Variants in CPLX2 observed in about 807,000 individuals in gnomAD.
The protein encoded by CPLX2 is complexin 2.
In CPLX2, 5 loss-of-function variants were observed where a neutral mutation model predicts 16.3. The observed-to-expected ratio is 0.31, with a 90% CI of 0.16 to 0.64. The LOEUF (loss-of-function observed/expected upper bound fraction) is 0.64. CPLX2 is among the 30% of genes least tolerant of loss of function. The pLI is 0.79. For synonymous variants in CPLX2, 89 were observed against 73.2 expected, an observed-to-expected ratio of 1.22 and a Z score of -1.10; for missense variants, 144 against 181.4, an observed-to-expected ratio of 0.79 and a Z score of 1.18.
chr5:175,826,418 T>C (rs1440006946), intron 2 of CPLX2, among the ~76,000 whole-genome samples: 1 of 151,986 alleles, frequency 6.6e-6, no homozygotes, highest in East Asian at 1.9e-4. Flanking sequence ...GCGAAAGGAC[T>C]CCACGCTTTG....
rs192710571 is a variant in CPLX2, at chr5:175,820,269, C to G, written c.-89+11201C>G. 5.1e-3 allele frequency among the ~76,000 whole-genome samples: 772 copies of G among 152,328 alleles called. 10 individuals are homozygous for G. The highest frequency in any genetic ancestry group is 0.018 in the African/African-American group (739 of 41,568). ...TGAGGGAAACTGATGCAGTGCCCAG[C>G]AGGGCGCCTGGCGTCATGAGCCCTT... On this transcript the variant is annotated intron_variant, in intron 2 of 4. Transcript: ENST00000359546.
intron 1 of CPLX2, among the ~76,000 whole-genome samples, chr5:175,798,169 C>A (rs750898243): frequency 2.0e-5 from 3 of 152,148 alleles, no homozygotes; most frequent in Non-Finnish European, 4.4e-5. Context: ...TAGCATATGA[C>A]CTTGGGCAAG....
At chr5:175,847,292 T>A (rs902558338) in intron 2 of CPLX2, among the ~76,000 whole-genome samples, 3 of 152,190 alleles carry the variant, frequency 2.0e-5, no homozygotes, top group African/African-American at 7.2e-5. Context: ...CCTGGAAAAC[T>A]TTGCAAATGA....
chr5:175,825,417 G>C (rs1252384017), intron 2 of CPLX2, among the ~76,000 whole-genome samples: 1 of 150,880 alleles, frequency 6.6e-6, no homozygotes, highest in Non-Finnish European at 1.5e-5. Context: ...AAAAAAAAAG[G>C]AAAGAAAATG....
intron 1 of CPLX2, among the ~76,000 whole-genome samples, chr5:175,806,138 A>C (rs571962350): frequency 4.0e-5 from 6 of 151,278 alleles, no homozygotes; most frequent in African/African-American, 1.5e-4. Flanking sequence ...ATCACCCTCA[A>C]GGTGAAGCCC....
At chr5:175,859,687 T>C (rs1257383548) in intron 2 of CPLX2, among the ~76,000 whole-genome samples, 1 of 152,242 alleles carries the variant, frequency 6.6e-6, no homozygotes, top group Non-Finnish European at 1.5e-5. Context: ...GATATGATGT[T>C]TGGACTTTGG....
At chr5:175,846,331 GGA>G (rs149647960) in intron 2 of CPLX2, among the ~76,000 whole-genome samples, 2,354 of 152,246 alleles carry the variant, frequency 0.015, 26 homozygotes, top group Non-Finnish European at 0.024. Flanking sequence ...AGGGCTGCGT[GGA>G]GAGTCAGAGG....
chr5:175,833,542 AAGTT>A (rs769887426), intron 2 of CPLX2, among the ~76,000 whole-genome samples: 13 of 152,218 alleles, frequency 8.5e-5, no homozygotes, highest in Non-Finnish European at 7.3e-5. Context: ...CAGAGGAAGA[AAGTT>A]AGCCAGGCAA....
At chr5:175,812,211 G>A (rs929299719) in intron 2 of CPLX2, among the ~76,000 whole-genome samples, 5 of 152,222 alleles carry the variant, frequency 3.3e-5, no homozygotes, top group South Asian at 2.1e-4. Flanking sequence ...CTCACCATGC[G>A]GAGGGCAGCC....
intron 2 of CPLX2, among the ~76,000 whole-genome samples, chr5:175,813,937 A>G (rs763132888): frequency 2.6e-5 from 4 of 152,234 alleles, no homozygotes; most frequent in Non-Finnish European, 5.9e-5. Flanking sequence ...GTTTTTAACC[A>G]TGGCCTTCTA....
At chr5:175,833,642 T>A (rs987820770) in intron 2 of CPLX2, among the ~76,000 whole-genome samples, 3 of 152,034 alleles carry the variant, frequency 2.0e-5, no homozygotes, top group African/African-American at 7.3e-5. Context: ...TGAGAAACAC[T>A]GTTTGACACA....
rs186426247 is a variant in CPLX2, at chr5:175,796,535, C to T, written c.-418C>T. 4.9e-3 allele frequency: 750 copies of T among 152,584 alleles called. 5 individuals carry two copies. Among genetic ancestry groups the T allele is most frequent in the South Asian group, 0.026 (125 of 4,830 alleles). 9.5% of individuals were successfully genotyped at this position (152,584 alleles called of 1,614,324 possible). ...CGCCGCCAGCCCCCGCCTCCTTTCT[C>T]GGGAAGCTTGGGTCTCCCTGGGAGC... On this transcript the variant is annotated 5_prime_UTR_variant, in exon 1 of 5. Transcript: ENST00000359546.
chr5:175,829,366 G>A (rs916761551), intron 2 of CPLX2, among the ~76,000 whole-genome samples: 3 of 152,134 alleles, frequency 2.0e-5, no homozygotes, highest in Non-Finnish European at 4.4e-5. Flanking sequence ...CCCTGGGGTC[G>A]CGCAGAAGCT....
intron 2 of CPLX2, among the ~76,000 whole-genome samples, chr5:175,821,148 T>C (rs1178203845): frequency 1.3e-5 from 2 of 152,154 alleles, no homozygotes; most frequent in African/African-American, 2.4e-5. Context: ...CCAATCCTAC[T>C]GGATCCTGAG....
At chr5:175,818,093 G>C (rs1758440876) in intron 2 of CPLX2, among the ~76,000 whole-genome samples, 1 of 152,200 alleles carries the variant, frequency 6.6e-6, no homozygotes, top group African/African-American at 2.4e-5. Flanking sequence ...AGAGTGGGCA[G>C]GCATGTAGAT....
chr5:175,810,879 C>A (rs867923390), intron 2 of CPLX2, among the ~76,000 whole-genome samples: 5 of 151,360 alleles, frequency 3.3e-5, no homozygotes, highest in Middle Eastern at 7.2e-3. Flanking sequence ...ATAAAATATT[C>A]ATTAATCCAC....
chr5:175,814,928 G>A (rs536715511), intron 2 of CPLX2, among the ~76,000 whole-genome samples: 2 of 152,286 alleles, frequency 1.3e-5, no homozygotes, highest in Non-Finnish European at 2.9e-5. Context: ...CCAGCCCAAA[G>A]CATGGCGGCT....
chr5:175,841,980 C>G (rs1325814078), intron 2 of CPLX2, among the ~76,000 whole-genome samples: 1 of 152,236 alleles, frequency 6.6e-6, no homozygotes, highest in East Asian at 1.9e-4. Flanking sequence ...CTCAATGCAG[C>G]AGACAGACAG....
At chr5:175,870,503 G>A (rs1759566766), upstream of CPLX2, among the ~76,000 whole-genome samples, 1 of 152,164 alleles carries the variant, frequency 6.6e-6, no homozygotes, top group Non-Finnish European at 1.5e-5. Context: ...ATCTTTCACA[G>A]GCCTTGTGCA....
Sources: allele counts gnomAD v4.1 joint callset (sites outside exome capture counted in the v4.1 genomes callset), GRCh38; gene constraint gnomAD v4.1.1; transcripts MANE v1.5; gene names NCBI Gene and HGNC (gene_info 2026-07-23, HGNC 2026-07-21).